Variants in PDCD2L observed in about 807,000 individuals in gnomAD.
PDCD2L encodes the protein uS5 assembly chaperone PDCD2L.
In PDCD2L, 44 loss-of-function variants were observed where a neutral mutation model predicts 40.4. The observed-to-expected ratio is 1.09, with a 90% confidence interval of 0.86 to 1.40. The LOEUF is 1.40. PDCD2L is among the 40% of genes most tolerant of loss of function. The pLI is 0.00. For synonymous variants in PDCD2L, 194 were observed against 174.6 expected, an observed-to-expected ratio of 1.11 and a Z score of -0.88; for missense variants, 470 against 453.7, an observed-to-expected ratio of 1.04 and a Z score of -0.33.
At chr19:34,424,559 A>T (rs2075167185) in intron 6 of PDCD2L, among the ~76,000 whole-genome samples, 1 of 152,120 alleles carries the variant, frequency 6.6e-6, no homozygotes, top group South Asian at 2.1e-4. Context: ...GTCTTGGGTT[A>T]CTTCTCTTGT....
chr19:34,423,731 C>T (rs1306678692), intron 6 of PDCD2L, among the ~76,000 whole-genome samples: 2 of 151,454 alleles, frequency 1.3e-5, no homozygotes, highest in East Asian at 3.9e-4. Context: ...TCAAGTGATC[C>T]GTCCACCTCG....
At chr19:34,418,458 A>G (rs983874761) in intron 5 of PDCD2L, among the ~76,000 whole-genome samples, 1 of 152,146 alleles carries the variant, frequency 6.6e-6, no homozygotes, top group Non-Finnish European at 1.5e-5. Flanking sequence ...TGCATGTATC[A>G]ATAGTTCATT....
rs772074258 is a variant in PDCD2L at position 34,409,306 on chromosome 19, G to C, written c.482G>C (p.Arg161Pro). The change falls in exon 4 of 7, where the codon CGG (arginine) becomes CCG (proline). Residue 161 changes from arginine (R) to proline (P), a missense_variant. Arg to Pro is a moderately radical substitution (Grantham distance 103). Transcript: ENST00000246535. Reference sequence around the variant, plus strand: ...GCCAAAGACGTAGACTGGACTGCTCGGCTCCAAGACCTCCGCCTGCAGGAT... The same window carrying C: ...GCCAAAGACGTAGACTGGACTGCTCCGCTCCAAGACCTCCGCCTGCAGGAT... ...SSAKDVDWTARLQDLRLQDAV... is the reference protein window; with the variant it reads ...SSAKDVDWTAPLQDLRLQDAV... The C allele has an allele frequency of 1.9e-6, 3 of 1,614,086 alleles. No individual in the cohort carries two copies. The highest frequency in any genetic ancestry group is 2.5e-6 in the Non-Finnish European group (3 of 1,180,036).
chr19:34,423,835 G>A (rs2075164196), intron 6 of PDCD2L, among the ~76,000 whole-genome samples: 1 of 152,130 alleles, frequency 6.6e-6, no homozygotes. Context: ...AGTTCTATGT[G>A]TAAATGGATT....
chr19:34,409,398 G>A lies in PDCD2L; in HGVS notation c.574G>A (p.Val192Ile), dbSNP rs200049574. 2 of 1,614,122 alleles carry A rather than the reference G, an allele frequency of 1.2e-6. No homozygotes were observed. Among genetic ancestry groups the A allele is most frequent in the Non-Finnish European group, 1.7e-6 (2 of 1,179,986 alleles). Residue 192 changes from valine to isoleucine, a missense_variant, in exon 4 of 7, where the codon GTT (valine) becomes ATT (isoleucine). Transcript: ENST00000246535. ...LPLFLPYYIC[V>I]ADEDDYRDFV... is the part of the protein sequence containing the mutation. ...GCTCTTCCTGCCCTACTACATCTGT[G>A]TTGCAGATGAGGATGATTACAGGGA...
intron 6 of PDCD2L, among the ~76,000 whole-genome samples, chr19:34,425,335 C>T (rs1489130430): frequency 6.9e-6 from 1 of 145,108 alleles, no homozygotes; most frequent in East Asian, 2.0e-4. Flanking sequence ...GGGTCTCGCT[C>T]TATCACCCGG....
At chr19:34,405,143 G>GTTT (rs74177144) in intron 3 of PDCD2L, among the ~76,000 whole-genome samples, 153 bp downstream of exon 3, 1,954 of 111,034 alleles carry the variant, frequency 0.018, 115 homozygotes, top group African/African-American at 0.047. Flanking sequence ...TTTTCGTAAA[G>GTTT]TTTTTTTTTT....
chr19:34,418,273 G>A (rs1267343536), intron 5 of PDCD2L, among the ~76,000 whole-genome samples: 2 of 152,090 alleles, frequency 1.3e-5, no homozygotes, highest in East Asian at 1.9e-4. Flanking sequence ...ATACTTCTTC[G>A]CAAGTTCTTG....
At position 34,413,667 on chromosome 19, in the gene PDCD2L, G is replaced by T. The variant is rs572871565; in HGVS notation, c.687-70G>T. ...AAATTTTTTAAAAGAAAATTATCTT[G>T]TTTTGTCTTGCAAATGCTGTAATTT... On this transcript the variant is annotated intron_variant, in intron 4 of 6. Coordinates refer to ENST00000246535, the MANE Select transcript of PDCD2L (RefSeq NM_032346.2). 2.0e-4 allele frequency: 201 copies of T among 981,472 alleles called. 3 individuals are homozygous for T. The South Asian group carries it at 2.4e-3, about 12-fold the overall frequency. 60.8% of individuals were successfully genotyped at this position (981,472 alleles called of 1,614,324 possible).
At chr19:34,405,257 C>T (rs966161274) in intron 3 of PDCD2L, among the ~76,000 whole-genome samples, 7 of 150,230 alleles carry the variant, frequency 4.7e-5, no homozygotes, top group African/African-American at 1.7e-4. Flanking sequence ...AGCGATTCTC[C>T]TGCCTCAGCC....
chr19:34,405,014 A>T (rs764940357), intron 3 of PDCD2L, 24 bp downstream of exon 3: 1 of 1,612,476 alleles, frequency 6.2e-7, no homozygotes, highest in Non-Finnish European at 8.5e-7. Flanking sequence ...TTGGCATGTT[A>T]TTGTTTTTCT....
At chr19:34,413,490 C>T (rs2075113502) in intron 4 of PDCD2L, among the ~76,000 whole-genome samples, 1 of 151,836 alleles carries the variant, frequency 6.6e-6, no homozygotes, top group South Asian at 2.1e-4. Context: ...GCGCAAGCCA[C>T]CATGCCCAGC....
intron 6 of PDCD2L, chr19:34,422,314 G>C (rs1470675590): frequency 6.6e-6 from 1 of 150,844 alleles, no homozygotes. Flanking sequence ...CGCCCGGCTA[G>C]TTTTTGTATT....
chr19:34,418,659 A>G (rs947941537), intron 5 of PDCD2L, among the ~76,000 whole-genome samples: 1 of 152,252 alleles, frequency 6.6e-6, no homozygotes, highest in Admixed American at 6.5e-5. Flanking sequence ...CGGTTGTATT[A>G]TATGGGATAT....
chr19:34,415,808 A>C (rs1007148974), intron 5 of PDCD2L, among the ~76,000 whole-genome samples: 1 of 152,248 alleles, frequency 6.6e-6, no homozygotes, highest in South Asian at 2.1e-4. Context: ...TCACTTATGT[A>C]ACTAAGTTAT....
chr19:34,411,512 C>G (rs1007724511), intron 4 of PDCD2L, among the ~76,000 whole-genome samples: 4 of 151,632 alleles, frequency 2.6e-5, no homozygotes, highest in Non-Finnish European at 5.9e-5. Context: ...CCCAAAGTGC[C>G]GGGATTACAG....
chr19:34,411,243 CTT>C (rs34836648), intron 4 of PDCD2L, among the ~76,000 whole-genome samples: 8 of 99,224 alleles, frequency 8.1e-5, no homozygotes, highest in Admixed American at 2.1e-4. Context: ...TGGTTATGGC[CTT>C]TTTTTTTTTT....
chr19:34,425,621 C>A (rs2075173579), intron 6 of PDCD2L, among the ~76,000 whole-genome samples: 1 of 152,052 alleles, frequency 6.6e-6, no homozygotes, highest in South Asian at 2.1e-4. Flanking sequence ...TCCCCGTCGG[C>A]CTCCCAAAGT....
At chr19:34,405,123 T>A (rs1767947752) in intron 3 of PDCD2L, 133 bp downstream of exon 3, 3 of 647,064 alleles carry the variant, frequency 4.6e-6, no homozygotes, top group Non-Finnish European at 7.3e-6. Flanking sequence ...TGAAGAACCA[T>A]AAAATGCTAT....
Sources: gnomAD v4.1 joint callset for allele counts (sites outside exome capture counted in the v4.1 genomes callset) on GRCh38, gnomAD v4.1.1 for gene constraint, MANE v1.5 for transcripts, NCBI Gene and HGNC (gene_info 2026-07-23, HGNC 2026-07-21) for gene names.